Variants in KHDRBS3 observed in about 807,000 individuals in gnomAD.
KHDRBS3 encodes the protein KH domain-containing, RNA-binding, signal transduction-associated protein 3.
KHDRBS3 carries 23 observed loss-of-function variants against 45.6 expected under a neutral mutation model. The ratio of observed to expected loss-of-function variants is 0.50; its 90% CI spans 0.36 to 0.72. The LOEUF (loss-of-function observed/expected upper bound fraction) is 0.72. Ranked by LOEUF, KHDRBS3 falls within the 30% of genes least tolerant of loss-of-function variation. The pLI is 0.00. For missense variants in KHDRBS3, 352 were observed against 424.8 expected (o/e 0.83, Z 1.51); for synonymous variants, 162 against 156.5 (o/e 1.04, Z -0.26).
intron 7 of KHDRBS3, among the ~76,000 whole-genome samples, chr8:135,636,549 T>C (rs558946855): frequency 6.6e-6 from 1 of 152,314 alleles, no homozygotes; most frequent in South Asian, 2.1e-4. Context: ...GGTCACACTT[T>C]AGAAACCACT....
chr8:135,458,213 C>T, intron 1 of KHDRBS3: 2 of 1,252,370 alleles, frequency 1.6e-6, no homozygotes, highest in South Asian at 1.9e-5. Context: ...TTTGGGGACT[C>T]GGGCACACCC....
chr8:135,534,220 T>TG (rs1294298853), intron 2 of KHDRBS3, among the ~76,000 whole-genome samples: 5 of 151,858 alleles, frequency 3.3e-5, no homozygotes, highest in Admixed American at 3.3e-4. Flanking sequence ...CTCAGGTGTT[T>TG]TTTTTTTAAC....
chr8:135,536,966 C>CA (rs869256475), intron 2 of KHDRBS3, among the ~76,000 whole-genome samples: 714 of 11,738 alleles, frequency 0.061, 51 homozygotes, highest in South Asian at 0.11. Context: ...AACTCCATCT[C>CA]AAAAAAAAAA....
intron 7 of KHDRBS3, among the ~76,000 whole-genome samples, chr8:135,610,891 A>G (rs1829681791): frequency 6.6e-6 from 1 of 151,842 alleles, no homozygotes; most frequent in Non-Finnish European, 1.5e-5. Flanking sequence ...TTTCCTCCAC[A>G]GGGAGCTGAG....
intron 1 of KHDRBS3, among the ~76,000 whole-genome samples, chr8:135,476,612 A>G (rs551052330): frequency 6.6e-6 from 1 of 152,290 alleles, no homozygotes; most frequent in East Asian, 1.9e-4. Flanking sequence ...GTATTATCTA[A>G]AGCACCTTTT....
At chr8:135,538,155 C>T (rs1586685073) in intron 2 of KHDRBS3, among the ~76,000 whole-genome samples, 1 of 152,118 alleles carries the variant, frequency 6.6e-6, no homozygotes, top group Non-Finnish European at 1.5e-5. Flanking sequence ...CAGGATGGGA[C>T]AGTGATCAGA....
chr8:135,645,624 T>C (rs897421162), intron 8 of KHDRBS3, among the ~76,000 whole-genome samples: 2 of 152,188 alleles, frequency 1.3e-5, no homozygotes, highest in East Asian at 3.9e-4. Flanking sequence ...GTCTGTAAGC[T>C]TTACAAAGGG....
At chr8:135,484,572 C>G (rs1280453242) in intron 1 of KHDRBS3, among the ~76,000 whole-genome samples, 1 of 152,178 alleles carries the variant, frequency 6.6e-6, no homozygotes, top group Non-Finnish European at 1.5e-5. Context: ...ACATTTAGAG[C>G]CTAATTTTAC....
chr8:135,589,929 G>C (rs1488625218), intron 6 of KHDRBS3, among the ~76,000 whole-genome samples: 2 of 152,136 alleles, frequency 1.3e-5, no homozygotes, highest in Non-Finnish European at 2.9e-5. Context: ...ACATAACATG[G>C]TCCACTTAGT....
chr8:135,594,922 C>T (rs1209198674), intron 6 of KHDRBS3, among the ~76,000 whole-genome samples: 3 of 152,106 alleles, frequency 2.0e-5, no homozygotes, highest in African/African-American at 4.8e-5. Context: ...CACTGGAAGA[C>T]GTGTGTAAGA....
chr8:135,522,030 A>G (rs902760475), intron 2 of KHDRBS3, among the ~76,000 whole-genome samples: 15 of 152,270 alleles, frequency 9.9e-5, no homozygotes, highest in East Asian at 9.6e-4. Context: ...AATGTGTGCC[A>G]TGGTGGTTTG....
At chr8:135,555,753 A>G (rs1235209310) in intron 4 of KHDRBS3, among the ~76,000 whole-genome samples, 1 of 152,026 alleles carries the variant, frequency 6.6e-6, no homozygotes, top group Non-Finnish European at 1.5e-5. Context: ...TTTGTTTTTT[A>G]TTATACTTTA....
intron 7 of KHDRBS3, among the ~76,000 whole-genome samples, chr8:135,623,410 A>G (rs1830229696): frequency 6.6e-6 from 1 of 152,208 alleles, no homozygotes; most frequent in African/African-American, 2.4e-5. Context: ...AAACCTTATG[A>G]AACCTTACGC....
At chr8:135,584,852 C>T (rs1199427786) in intron 6 of KHDRBS3, among the ~76,000 whole-genome samples, 1 of 152,064 alleles carries the variant, frequency 6.6e-6, no homozygotes, top group Non-Finnish European at 1.5e-5. Flanking sequence ...TGTTTGAAAA[C>T]CTAAAGATTA....
At chr8:135,547,041 A>G (rs767798884) in intron 3 of KHDRBS3, among the ~76,000 whole-genome samples, 39 of 152,202 alleles carry the variant, frequency 2.6e-4, no homozygotes, top group Non-Finnish European at 4.9e-4. Context: ...TTGTTTCAAT[A>G]ATTTGTGCTT....
intron 6 of KHDRBS3, among the ~76,000 whole-genome samples, chr8:135,583,766 A>T (rs1276423270): frequency 6.6e-6 from 1 of 152,170 alleles, no homozygotes; most frequent in Admixed American, 6.5e-5. Flanking sequence ...CCAGACACAC[A>T]TGTTGTCTGT....
At chr8:135,637,091 A>T (rs1321503684) in intron 7 of KHDRBS3, among the ~76,000 whole-genome samples, 1 of 152,204 alleles carries the variant, frequency 6.6e-6, no homozygotes, top group East Asian at 1.9e-4. Context: ...TGCATAACCT[A>T]ATTCTGGAGC....
intron 1 of KHDRBS3, among the ~76,000 whole-genome samples, chr8:135,511,770 GA>G (rs1196419757): frequency 6.6e-6 from 1 of 152,142 alleles, no homozygotes; most frequent in Non-Finnish European, 1.5e-5. Context: ...GTGTTAGCCA[GA>G]ATGGTCTTGA....
chr8:135,496,527 C>T (rs548434309), intron 1 of KHDRBS3, among the ~76,000 whole-genome samples: 2 of 151,504 alleles, frequency 1.3e-5, no homozygotes, highest in African/African-American at 4.8e-5. Context: ...GCCACCATAC[C>T]TGGCACAAGC....
Sources: allele counts gnomAD v4.1 joint callset (sites outside exome capture counted in the v4.1 genomes callset), GRCh38; gene constraint gnomAD v4.1.1; transcripts MANE v1.5; gene names NCBI Gene and HGNC (gene_info 2026-07-23, HGNC 2026-07-21).